NFATC1: variants seen among roughly 807,000 people sequenced by gnomAD.
The protein encoded by NFATC1 is nuclear factor of activated T-cells, cytoplasmic 1.
NFATC1 carries 22 observed loss-of-function variants against 76.0 expected under a neutral mutation model. That is an observed-to-expected ratio of 0.29 (90% CI 0.21 to 0.41). The LOEUF (loss-of-function observed/expected upper bound fraction) is 0.41, where lower values mean the gene tolerates loss of function less well. NFATC1 is among the 10% of genes least tolerant of loss of function. The probability of loss-of-function intolerance (pLI) is 1.00; values close to 1 mark genes in which losing one functional copy is unlikely to be tolerated. For missense variants in NFATC1, 1,357 were observed against 1,337.7 expected (o/e 1.01, Z -0.23); for synonymous variants, 704 against 613.1 (o/e 1.15, Z -2.19).
At chr18:79,434,401 C>T (rs1037762263) in intron 3 of NFATC1, among the ~76,000 whole-genome samples, 2 of 152,204 alleles carry the variant, frequency 1.3e-5, no homozygotes, top group South Asian at 2.1e-4. Context: ...GTAATGACCG[C>T]GCCAGGGACG....
chr18:79,425,585 C>T (rs1373163467), intron 2 of NFATC1, among the ~76,000 whole-genome samples: 1 of 152,274 alleles, frequency 6.6e-6, no homozygotes, highest in Non-Finnish European at 1.5e-5. Flanking sequence ...TTTACCCAAA[C>T]CACTTAAACA....
intron 6 of NFATC1, 142 bp downstream of exon 6, chr18:79,451,958 T>A: frequency 1.0e-6 from 1 of 998,184 alleles, no homozygotes; most frequent in Non-Finnish European, 1.4e-6. Flanking sequence ...AGGCTCTGCG[T>A]GGCCCGTGTC....
chr18:79,471,655 G>T (rs1047455978), intron 8 of NFATC1, among the ~76,000 whole-genome samples: 1 of 152,170 alleles, frequency 6.6e-6, no homozygotes, highest in African/African-American at 2.4e-5. Context: ...GGTCCCTTTC[G>T]TGGCCAGAGC....
chr18:79,521,066 C>T (rs1601001568), intron 9 of NFATC1, among the ~76,000 whole-genome samples: 1 of 59,936 alleles, frequency 1.7e-5, no homozygotes, highest in African/African-American at 6.9e-5. Context: ...GATGTGTGTC[C>T]ATGTGTGTGT....
intron 6 of NFATC1, among the ~76,000 whole-genome samples, chr18:79,454,671 T>C (rs540223015): frequency 6.6e-6 from 1 of 152,280 alleles, no homozygotes; most frequent in East Asian, 1.9e-4. Flanking sequence ...TCTGAGGACT[T>C]AGTTTACAGC....
intron 2 of NFATC1, among the ~76,000 whole-genome samples, chr18:79,414,476 G>A (rs1455684314): frequency 6.6e-6 from 1 of 152,206 alleles, no homozygotes; most frequent in Admixed American, 6.5e-5. Flanking sequence ...TTCAGCACCT[G>A]TGGCCCCCAG....
In NFATC1 at chr18:79,486,864, T is replaced by A; in HGVS notation, c.2709T>A (p.Ser903Arg). The A allele has an allele frequency of 6.2e-7, 1 of 1,611,616 alleles. No individual in the cohort carries two copies. ...TGCCAGAGGTGCATGAGGACGGTAG[T>A]CCTAATTTGGCCCCTATTCCTGTAA... ...RLLPEVHEDG[S>R]PNLAPIPVTV... is the part of the protein sequence containing the mutation. Residue 903 changes from serine to arginine, a missense_variant, in exon 9 of 10, where the codon AGT becomes AGA. Physicochemically the swap from Ser to Arg is moderately radical, Grantham distance 110. This residue lies in a region of NFATC1 where 424 missense variants were observed against 395.4 expected (regional missense o/e 1.07). Transcript: ENST00000427363.
At chr18:79,436,393 T>G (rs1235245021) in intron 3 of NFATC1, among the ~76,000 whole-genome samples, 1 of 152,188 alleles carries the variant, frequency 6.6e-6, no homozygotes, top group East Asian at 1.9e-4. Flanking sequence ...TCAAAAAGCT[T>G]GTCCAGAAAA....
intron 9 of NFATC1, among the ~76,000 whole-genome samples, chr18:79,507,741 A>G (rs1019754375): frequency 6.6e-6 from 1 of 152,258 alleles, no homozygotes; most frequent in Non-Finnish European, 1.5e-5. Context: ...GAGTCAGTAA[A>G]GAAAAACCTT....
rs2085146597 is a variant in NFATC1 at position 79,400,262 on chromosome 18, C to CGGGGACG, written c.127+3915_127+3916insACGGGGG. 5 of 1,009,268 alleles carry CGGGGACG rather than the reference C, an allele frequency of 5.0e-6. No individual in the cohort carries two copies. The South Asian group carries it at 1.3e-4, about 27-fold the overall frequency. 62.5% of individuals were successfully genotyped at this position (1,009,268 alleles called of 1,614,324 possible). A position where few individuals can be genotyped will look rare whatever the true frequency, so the allele number is the denominator to read the frequency against. On this transcript the variant is annotated intron_variant, in intron 1 of 9. Transcript: ENST00000427363. ...GTAAACCCGGAAACGCCCCGGGGGG[C>CGGGGACG]GGGGGCGGGGCGGGGACGGGGGGAG... is the stretch of plus-strand genomic sequence containing the variant.
At chr18:79,466,478 T>C (rs2088499671) in intron 7 of NFATC1, among the ~76,000 whole-genome samples, 1 of 152,110 alleles carries the variant, frequency 6.6e-6, no homozygotes, top group South Asian at 2.1e-4. Context: ...GAGCACGCGG[T>C]TGGGGTCTCC....
chr18:79,509,793 C>T (rs1569042349), intron 9 of NFATC1, among the ~76,000 whole-genome samples: 1 of 152,220 alleles, frequency 6.6e-6, no homozygotes, highest in East Asian at 1.9e-4. Context: ...GAGCTCTGAG[C>T]TCCAATCCCA....
At chr18:79,425,193 C>CTG (rs2086272833) in intron 2 of NFATC1, among the ~76,000 whole-genome samples, 1 of 151,598 alleles carries the variant, frequency 6.6e-6, no homozygotes, top group Non-Finnish European at 1.5e-5. Context: ...GTCTCTGTCT[C>CTG]TCTGTTTCTC....
chr18:79,479,068 A>G (rs1276166565), intron 8 of NFATC1, among the ~76,000 whole-genome samples: 1 of 152,238 alleles, frequency 6.6e-6, no homozygotes, highest in African/African-American at 2.4e-5. Flanking sequence ...CTCTGTGGGA[A>G]TATGCTTTGT....
Position 79,396,237 on chromosome 18 carries a change from A to G in NFATC1, c.13A>G (p.Ser5Gly), listed in dbSNP as rs1438896941. Reference protein sequence around the residue: MPSTSFPVPSKFPLG... With the variant: MPSTGFPVPSKFPLG... ...CGCCGCCGCGCGGATGCCAAGCACC[A>G]GCTTTCCAGTCCCTTCCAAGTTTCC... is the stretch of plus-strand genomic sequence containing the variant. Residue 5 changes from serine to glycine, a missense_variant, in exon 1 of 10, where the codon AGC becomes GGC. Physicochemically the swap from Ser to Gly is moderately conservative, Grantham distance 56. This residue lies in a region of NFATC1 where 691 missense variants were observed against 613.1 expected (regional missense o/e 1.13). Transcript: ENST00000427363. The G allele has an allele frequency of 8.7e-6, 13 of 1,490,430 alleles. No individual in the cohort carries two copies. The highest frequency in any genetic ancestry group is 1.2e-5 in the Non-Finnish European group (13 of 1,112,446). The allele number at this position is 1,490,430 out of a possible 1,614,324, so 92.3% of individuals were successfully genotyped here. A position where few individuals can be genotyped will look rare whatever the true frequency, so the allele number is the denominator to read the frequency against.
Position 79,411,516 on chromosome 18 carries a change from CG to C in NFATC1, c.1226+19del. Reference sequence around the variant, plus strand: ...TCCTACATGAGGTGAGCCGGCAGCGCGGGGCGGGACGGGGAGGCGAGGGGAG... The same window carrying C: ...TCCTACATGAGGTGAGCCGGCAGCGCGGGCGGGACGGGGAGGCGAGGGGAG... On this transcript the variant is annotated intron_variant, in intron 2 of 9. Transcript: ENST00000427363. The C allele has an allele frequency of 3.5e-6, 5 of 1,435,476 alleles. No individual in the cohort carries two copies. The highest frequency in any genetic ancestry group is 4.6e-6 in the Non-Finnish European group (5 of 1,096,110). 88.9% of individuals were successfully genotyped at this position (1,435,476 alleles called of 1,614,324 possible).
Position 79,486,680 on chromosome 18 carries a change from T to C in NFATC1, c.2525T>C (p.Leu842Pro). Reference protein sequence around the residue: ...SSCPPGLEHSLCPSSPSPPLP... With the variant: ...SSCPPGLEHSPCPSSPSPPLP... ...TGCCCCCCTGGTCTCGAACACTCGC[T>C]CTGCCCCAGCAGCCCCTCTCCTCCA... The change falls in exon 9 of 10, where the codon CTC becomes CCC. Residue 842 changes from leucine to proline, a missense_variant. By Grantham distance (98) the Leu-to-Pro change is moderately conservative. Coordinates refer to ENST00000427363, the MANE Select transcript of NFATC1 (RefSeq NM_001278669.2). The C allele has an allele frequency of 1.9e-6, 3 of 1,602,490 alleles. No individual in the cohort carries two copies. The highest frequency in any genetic ancestry group is 1.7e-6 in the Non-Finnish European group (2 of 1,177,064).
At chr18:79,436,357 G>A (rs2086775584) in intron 3 of NFATC1, among the ~76,000 whole-genome samples, 1 of 152,218 alleles carries the variant, frequency 6.6e-6, no homozygotes. Flanking sequence ...TGTTCTCTTC[G>A]TTGTGAATCG....
intron 2 of NFATC1, among the ~76,000 whole-genome samples, chr18:79,431,031 T>C (rs926000500): frequency 3.9e-5 from 6 of 152,236 alleles, no homozygotes; most frequent in African/African-American, 1.4e-4. Flanking sequence ...GAAACAGCTC[T>C]GACAGTACAG....
Sources: allele counts gnomAD v4.1 joint callset (sites outside exome capture counted in the v4.1 genomes callset), GRCh38; gene constraint gnomAD v4.1.1; regional missense constraint gnomAD v4.1.1; transcripts MANE v1.5; gene names NCBI Gene and HGNC (gene_info 2026-07-23, HGNC 2026-07-21).